The following GPC5 variants were observed in gnomAD, a reference collection of about 807,000 sequenced individuals.
GPC5 encodes the protein glypican 5, also known as glypican-5.
Under a neutral mutation model 53.9 loss-of-function variants are expected in GPC5, and 47 were observed. The ratio of observed to expected loss-of-function variants is 0.87; its 90% CI spans 0.69 to 1.11. GPC5 has a LOEUF of 1.11. Ranked by LOEUF, GPC5 falls within the 50% of genes most tolerant of loss-of-function variation. The pLI is 0.00. For synonymous variants in GPC5, 286 were observed against 263.3 expected (o/e 1.09, Z -0.84); for missense variants, 748 against 713.1 (o/e 1.05, Z -0.56).
At chr13:92,444,455 C>A (rs927134898) in intron 7 of GPC5, among the ~76,000 whole-genome samples, 3 of 152,030 alleles carry the variant, frequency 2.0e-5, no homozygotes, top group Non-Finnish European at 2.9e-5. Flanking sequence ...GATCAGCCTG[C>A]TGGAATGATT....
At position 91,957,573 on chromosome 13, in the gene GPC5, T is replaced by C. The variant is rs1213164727; in HGVS notation, c.1401+49516T>C. Among the ~76,000 whole-genome samples the C allele has an allele frequency of 2.0e-5, 3 of 152,118 alleles. No individual in the cohort carries two copies. The South Asian group carries it at 6.2e-4, about 31-fold the overall frequency. On this transcript the variant is annotated intron_variant, in intron 6 of 7. Coordinates refer to ENST00000377067, the MANE Select transcript of GPC5 (RefSeq NM_004466.6). ...GTAAAAATAGCAAGAGAAAAGCACTTAGTCACTTATAAAGGAACAATCAGC... is the reference window on the plus strand; with the variant it reads ...GTAAAAATAGCAAGAGAAAAGCACTCAGTCACTTATAAAGGAACAATCAGC...
intron 7 of GPC5, among the ~76,000 whole-genome samples, chr13:92,295,819 CTA>C (rs566602216): frequency 3.3e-4 from 51 of 152,244 alleles, no homozygotes; most frequent in African/African-American, 1.2e-3. Context: ...ATGTCTTTTT[CTA>C]CCCCCTTTAC....
At chr13:92,700,255 A>ATTTTTT (rs36058737) in intron 7 of GPC5, among the ~76,000 whole-genome samples, 1 of 103,668 alleles carries the variant, frequency 9.6e-6, no homozygotes, top group South Asian at 3.1e-4. Flanking sequence ...CAACCCCTGC[A>ATTTTTT]TTTTTTTTTT....
intron 6 of GPC5, among the ~76,000 whole-genome samples, chr13:92,102,050 A>G (rs2041471299): frequency 6.6e-6 from 1 of 152,188 alleles, no homozygotes; most frequent in Admixed American, 6.6e-5. Context: ...TAAGGTTTAC[A>G]TACTTGGCAT....
At chr13:92,118,353 T>C (rs181828762) in intron 6 of GPC5, among the ~76,000 whole-genome samples, 3 of 152,292 alleles carry the variant, frequency 2.0e-5, no homozygotes, top group Admixed American at 6.5e-5. Context: ...GATTTCTTAA[T>C]ATTTTTATAT....
At chr13:91,950,818 G>T (rs1161668078) in intron 6 of GPC5, among the ~76,000 whole-genome samples, 1 of 152,100 alleles carries the variant, frequency 6.6e-6, no homozygotes, top group Non-Finnish European at 1.5e-5. Context: ...CATCCCTATT[G>T]TAAGAAATTG....
chr13:91,561,170 A>G (rs1460752756), intron 2 of GPC5, among the ~76,000 whole-genome samples: 1 of 151,498 alleles, frequency 6.6e-6, no homozygotes, highest in Non-Finnish European at 1.5e-5. Context: ...CTTACTTAGG[A>G]TGGGCTTAGT....
chr13:91,538,835 C>G lies in GPC5; in HGVS notation c.325+89913C>G, dbSNP rs113042823. Among the ~76,000 whole-genome samples the G allele has an allele frequency of 7.3e-5, 11 of 150,030 alleles. 1 individual carries two copies. Among genetic ancestry groups the G allele is most frequent in the Middle Eastern group, 3.4e-3 (1 of 294 alleles). ...CTGACCTCATGGTCCACCCCGCCCC[C>G]CCCTCAGCCTCCCAAAGTGCTGGGA... is the stretch of plus-strand genomic sequence containing the variant. On this transcript the variant is annotated intron_variant, in intron 2 of 7. Coordinates refer to ENST00000377067, the MANE Select transcript of GPC5 (RefSeq NM_004466.6).
intron 5 of GPC5, among the ~76,000 whole-genome samples, chr13:91,811,361 G>A (rs903078149): frequency 3.2e-4 from 48 of 151,914 alleles, no homozygotes; most frequent in Non-Finnish European, 6.2e-4. Flanking sequence ...CTCTAATTTT[G>A]AAAATTTCAT....
At chr13:91,976,826 G>A (rs1594700879) in intron 6 of GPC5, among the ~76,000 whole-genome samples, 1 of 152,068 alleles carries the variant, frequency 6.6e-6, no homozygotes, top group East Asian at 1.9e-4. Context: ...AAACACTTGA[G>A]GTCAGGAGTT....
chr13:91,572,231 G>T (rs1330424028), intron 2 of GPC5, among the ~76,000 whole-genome samples: 3 of 128,020 alleles, frequency 2.3e-5, no homozygotes, highest in Admixed American at 7.9e-5. Context: ...ATACACATAT[G>T]TATATACATG....
intron 2 of GPC5, among the ~76,000 whole-genome samples, chr13:91,521,023 T>G (rs1366639341): frequency 6.6e-6 from 1 of 152,172 alleles, no homozygotes; most frequent in Non-Finnish European, 1.5e-5. Context: ...AATATAACTC[T>G]TTTATTGATA....
intron 7 of GPC5, among the ~76,000 whole-genome samples, chr13:92,662,438 A>G (rs1367652050): frequency 7.3e-5 from 10 of 136,458 alleles, no homozygotes; most frequent in Middle Eastern, 3.7e-3. Flanking sequence ...CAATGCTTCT[A>G]AACTAATCTA....
chr13:92,024,371 T>C (rs2040783983), intron 6 of GPC5, among the ~76,000 whole-genome samples: 1 of 152,172 alleles, frequency 6.6e-6, no homozygotes, highest in Admixed American at 6.5e-5. Context: ...CCAATGGAAA[T>C]ACAGTTATTC....
chr13:91,942,010 C>T (rs945414651), intron 6 of GPC5, among the ~76,000 whole-genome samples: 2 of 152,064 alleles, frequency 1.3e-5, no homozygotes, highest in African/African-American at 4.8e-5. Context: ...TCCATCACCT[C>T]AAGTGAATTA....
At chr13:92,171,169 G>A (rs2042067926) in intron 7 of GPC5, among the ~76,000 whole-genome samples, 1 of 151,980 alleles carries the variant, frequency 6.6e-6, no homozygotes, top group Admixed American at 6.6e-5. Context: ...TCCTTTTGCT[G>A]GGTAATAGCA....
intron 7 of GPC5, among the ~76,000 whole-genome samples, chr13:92,300,189 T>C (rs1487801640): frequency 6.6e-6 from 1 of 152,182 alleles, no homozygotes; most frequent in African/African-American, 2.4e-5. Flanking sequence ...AATGTTGTCG[T>C]GAGGGTAAAC....
chr13:92,622,011 T>A (rs1425985075), intron 7 of GPC5, among the ~76,000 whole-genome samples: 1 of 152,194 alleles, frequency 6.6e-6, no homozygotes, highest in Non-Finnish European at 1.5e-5. Flanking sequence ...CCTCGACTAA[T>A]GCTTTCAGTA....
At chr13:92,757,559 A>G (rs1418241506) in intron 7 of GPC5, among the ~76,000 whole-genome samples, 1 of 152,220 alleles carries the variant, frequency 6.6e-6, no homozygotes, top group Non-Finnish European at 1.5e-5. Flanking sequence ...ACAAAATGGG[A>G]GAAAATTTTT....
Sources: gnomAD v4.1 joint callset for allele counts (sites outside exome capture counted in the v4.1 genomes callset) on GRCh38, gnomAD v4.1.1 for gene constraint, MANE v1.5 for transcripts, NCBI Gene and HGNC (gene_info 2026-07-23, HGNC 2026-07-21) for gene names.